Variants in LDLRAD3 observed in about 807,000 individuals in gnomAD.
The protein encoded by LDLRAD3 is low density lipoprotein receptor class A domain containing 3.
Under a neutral mutation model 29.4 loss-of-function variants are expected in LDLRAD3, and 20 were observed. The ratio of observed to expected loss-of-function variants is 0.68; its 90% CI spans 0.48 to 0.99. The LOEUF (loss-of-function observed/expected upper bound fraction) is 0.99, where lower values mean the gene tolerates loss of function less well. Among genes scored for constraint, LDLRAD3 ranks in the 50% least tolerant of loss-of-function variants. The pLI is 0.00. For synonymous variants in LDLRAD3, 157 were observed against 192.7 expected, an observed-to-expected ratio of 0.81 and a Z score of 1.53; for missense variants, 420 against 454.3, an observed-to-expected ratio of 0.92 and a Z score of 0.69.
intron 4 of LDLRAD3, among the ~76,000 whole-genome samples, chr11:36,157,445 G>A (rs1264752466): frequency 6.6e-6 from 1 of 152,180 alleles, no homozygotes; most frequent in African/African-American, 2.4e-5. Flanking sequence ...TTGCACTTTT[G>A]TTGATTTTTA....
intron 4 of LDLRAD3, among the ~76,000 whole-genome samples, chr11:36,190,736 T>C (rs924620840): frequency 1.3e-5 from 2 of 152,286 alleles, no homozygotes; most frequent in Non-Finnish European, 2.9e-5. Context: ...AATGCTCAGA[T>C]TGGTGAATGA....
chr11:36,185,659 G>A (rs1382763993), intron 4 of LDLRAD3, among the ~76,000 whole-genome samples: 3 of 152,230 alleles, frequency 2.0e-5, no homozygotes, highest in African/African-American at 7.2e-5. Context: ...TTGGCCTCTC[G>A]AGGTGAGATT....
intron 1 of LDLRAD3, among the ~76,000 whole-genome samples, chr11:35,974,303 A>AT (rs1260202893): frequency 1.7e-4 from 24 of 144,554 alleles, no homozygotes; most frequent in East Asian, 8.1e-4. Flanking sequence ...ATCCAGCTTT[A>AT]TTTTTTTTTT....
chr11:36,158,455 CA>C (rs1854386163), intron 4 of LDLRAD3, among the ~76,000 whole-genome samples: 1 of 152,014 alleles, frequency 6.6e-6, no homozygotes, highest in African/African-American at 2.4e-5. Context: ...TCCCCATCCC[CA>C]CCCCCTGTTT....
intron 4 of LDLRAD3, among the ~76,000 whole-genome samples, chr11:36,193,756 A>G (rs1227690774): frequency 1.3e-5 from 2 of 152,194 alleles, no homozygotes; most frequent in Non-Finnish European, 2.9e-5. Flanking sequence ...CTTTGGGGCT[A>G]TAGCCAGCAC....
intron 4 of LDLRAD3, among the ~76,000 whole-genome samples, chr11:36,144,986 G>T (rs1450287987): frequency 8.8e-6 from 1 of 114,088 alleles, no homozygotes; most frequent in African/African-American, 3.2e-5. Context: ...AGGTGGGGGG[G>T]TCAGCCCCCC....
intron 2 of LDLRAD3, among the ~76,000 whole-genome samples, chr11:36,058,645 CT>C (rs1204563007): frequency 6.6e-6 from 1 of 152,206 alleles, no homozygotes; most frequent in Non-Finnish European, 1.5e-5. Flanking sequence ...ATTGCCCACT[CT>C]CCCTATTCTA....
chr11:36,190,912 T>C (rs1013905557), intron 4 of LDLRAD3, among the ~76,000 whole-genome samples: 3 of 152,204 alleles, frequency 2.0e-5, no homozygotes, highest in Admixed American at 6.5e-5. Context: ...TCAATAACAT[T>C]GGACATGAGA....
At chr11:35,999,112 C>T (rs1729361518) in intron 1 of LDLRAD3, among the ~76,000 whole-genome samples, 1 of 152,174 alleles carries the variant, frequency 6.6e-6, no homozygotes, top group African/African-American at 2.4e-5. Flanking sequence ...GATTGGGCAC[C>T]TACTGTGTGC....
intron 1 of LDLRAD3, among the ~76,000 whole-genome samples, chr11:35,981,221 G>T (rs570095796): frequency 6.7e-6 from 1 of 150,214 alleles, no homozygotes; most frequent in Non-Finnish European, 1.5e-5. Context: ...GGTTGGGGGT[G>T]GGGGGGCTGA....
chr11:36,191,627 C>T (rs760980343), intron 4 of LDLRAD3, among the ~76,000 whole-genome samples: 7 of 128,520 alleles, frequency 5.4e-5, no homozygotes, highest in Non-Finnish European at 1.1e-4. Context: ...CACACACGCA[C>T]GCACGCACGC....
At chr11:36,042,308 A>C (rs768719447) in intron 2 of LDLRAD3, among the ~76,000 whole-genome samples, 5 of 152,150 alleles carry the variant, frequency 3.3e-5, no homozygotes, top group Non-Finnish European at 7.4e-5. Context: ...CTTTACCAGG[A>C]ATTCAGCTGT....
intron 4 of LDLRAD3, among the ~76,000 whole-genome samples, chr11:36,100,876 A>G (rs890093148): frequency 1.3e-5 from 2 of 152,218 alleles, no homozygotes; most frequent in Non-Finnish European, 2.9e-5. Flanking sequence ...TTCTGTGCCC[A>G]TCCCAGTATT....
Position 36,231,999 on chromosome 11 carries a change from C to G in LDLRAD3, c.*2602C>G, listed in dbSNP as rs750599807. 6.6e-6 allele frequency: 1 copy of G among 152,178 alleles called. No homozygotes were observed. The highest frequency in any genetic ancestry group is 2.4e-5 in the African/African-American group (1 of 41,434). The allele number at this position is 152,178 out of a possible 1,614,324, so 9.4% of individuals were successfully genotyped here. A position where few individuals can be genotyped will look rare whatever the true frequency, so the allele number is the denominator to read the frequency against. ...AAATTGACATTTTTAAAAAATGCAA[C>G]TAAGTGGTTAATAGTGTGTGACGCT... On this transcript the variant is annotated 3_prime_UTR_variant, in exon 6 of 6. Transcript: ENST00000315571.
chr11:36,174,660 AT>A (rs1193923872), intron 4 of LDLRAD3, among the ~76,000 whole-genome samples: 3 of 152,178 alleles, frequency 2.0e-5, no homozygotes, highest in African/African-American at 7.2e-5. Context: ...CAAAACCACA[AT>A]GAGATACCAT....
intron 1 of LDLRAD3, among the ~76,000 whole-genome samples, chr11:35,955,896 G>A (rs573627495): frequency 1.3e-5 from 2 of 152,258 alleles, no homozygotes; most frequent in Non-Finnish European, 2.9e-5. Flanking sequence ...GGACTGACCA[G>A]TTCCTTGGGG....
chr11:35,995,554 A>C (rs1045119636), intron 1 of LDLRAD3, among the ~76,000 whole-genome samples: 1 of 152,262 alleles, frequency 6.6e-6, no homozygotes, highest in African/African-American at 2.4e-5. Flanking sequence ...CACCAGCTGC[A>C]TTAGCTCTTA....
intron 4 of LDLRAD3, among the ~76,000 whole-genome samples, chr11:36,194,764 A>C (rs1855007070): frequency 6.6e-6 from 1 of 151,926 alleles, no homozygotes; most frequent in Non-Finnish European, 1.5e-5. Context: ...GTTCTCTAAA[A>C]CTCTGTCATC....
chr11:36,121,071 C>T (rs895509833), intron 4 of LDLRAD3, among the ~76,000 whole-genome samples: 13 of 152,254 alleles, frequency 8.5e-5, no homozygotes, highest in Middle Eastern at 3.4e-3. Context: ...ACTAAGCCAC[C>T]GCCTCTCTAG....
Sources: gnomAD v4.1 joint callset for allele counts (sites outside exome capture counted in the v4.1 genomes callset) on GRCh38, gnomAD v4.1.1 for gene constraint, MANE v1.5 for transcripts, NCBI Gene and HGNC (gene_info 2026-07-23, HGNC 2026-07-21) for gene names.